MYBL2: variants seen among roughly 807,000 people sequenced by gnomAD.
The protein encoded by MYBL2 is myb-related protein B.
In MYBL2, 28 loss-of-function variants were observed where a neutral mutation model predicts 79.9. The observed-to-expected ratio is 0.35, with a 90% CI of 0.26 to 0.48. The LOEUF (loss-of-function observed/expected upper bound fraction) is 0.48, where lower values mean the gene tolerates loss of function less well. MYBL2 is among the 20% of genes least tolerant of loss of function. MYBL2 has a pLI of 0.99. For synonymous variants in MYBL2, 378 were observed against 361.2 expected (o/e 1.05, Z -0.53); for missense variants, 735 against 893.9 (o/e 0.82, Z 2.27).
chr20:43,678,331 G>GAA (rs11470203), intron 2 of MYBL2, among the ~76,000 whole-genome samples: 1 of 142,902 alleles, frequency 7.0e-6, no homozygotes, highest in Admixed American at 6.9e-5. Context: ...AAGAAAGAAA[G>GAA]AAAAAAAAAA....
intron 9 of MYBL2, among the ~76,000 whole-genome samples, chr20:43,709,462 T>A (rs78868078): frequency 6.0e-4 from 91 of 152,240 alleles, no homozygotes; most frequent in African/African-American, 2.2e-3. Flanking sequence ...CCTGGGTTTT[T>A]CTCTGTTCTG....
intron 3 of MYBL2, 42 bp from the exon 4 acceptor site, chr20:43,682,752 G>A (rs1987174487): frequency 1.2e-6 from 2 of 1,601,456 alleles, no homozygotes; most frequent in South Asian, 2.2e-5. Flanking sequence ...CGAGGTCCCA[G>A]AAGTTCTCAC....
intron 10 of MYBL2, 71 bp from the exon 11 acceptor site, chr20:43,711,417 G>C: frequency 4.1e-6 from 5 of 1,211,566 alleles, no homozygotes; most frequent in Non-Finnish European, 5.9e-6. Context: ...CAGCTGGGTT[G>C]GTCCCACAGT....
chr20:43,684,375 T>C (rs1229336383), intron 4 of MYBL2, among the ~76,000 whole-genome samples: 1 of 151,994 alleles, frequency 6.6e-6, no homozygotes. Context: ...GAGCTGGGAT[T>C]ACAGGCGCCT....
intron 1 of MYBL2, among the ~76,000 whole-genome samples, chr20:43,668,376 A>G (rs1280914639): frequency 1.3e-5 from 2 of 151,330 alleles, no homozygotes; most frequent in East Asian, 2.0e-4. Flanking sequence ...AATTTTTTGT[A>G]TGTTTAGTAG....
At chr20:43,712,178 A>G (rs766613857) in intron 11 of MYBL2, among the ~76,000 whole-genome samples, 6 of 152,106 alleles carry the variant, frequency 3.9e-5, no homozygotes, top group Admixed American at 2.0e-4. Flanking sequence ...CCTCCGTTCT[A>G]TGCCAGCCTC....
At chr20:43,714,735 A>G (rs1987988820) in intron 12 of MYBL2, among the ~76,000 whole-genome samples, 1 of 151,994 alleles carries the variant, frequency 6.6e-6, no homozygotes, top group Non-Finnish European at 1.5e-5. Context: ...GGTTCGCACC[A>G]TTCTTCTGCC....
intron 8 of MYBL2, among the ~76,000 whole-genome samples, chr20:43,704,673 A>G (rs1429448020): frequency 2.0e-5 from 3 of 152,228 alleles, no homozygotes; most frequent in Non-Finnish European, 2.9e-5. Flanking sequence ...TCTAGCACTC[A>G]GTGCAAGACT....
At chr20:43,713,227 G>A (rs1987952116) in intron 12 of MYBL2, 121 bp downstream of exon 12, 2 of 474,936 alleles carry the variant, frequency 4.2e-6, no homozygotes, top group South Asian at 3.6e-5. Context: ...GGCTATCAGG[G>A]AGGGTGGGTC....
In MYBL2 at chr20:43,674,370, G is replaced by A. The variant is rs147170593; in HGVS notation, c.114+471G>A. On this transcript the variant is annotated intron_variant, in intron 2 of 13. Coordinates refer to ENST00000217026, the MANE Select transcript of MYBL2 (RefSeq NM_002466.4). ...TCCTGCCTCAGGTGCGATTACAGGC[G>A]TGAGCCACCACATCCAGCTAATTTT... Among the ~76,000 whole-genome samples, 434 of 146,660 alleles carry A rather than the reference G, an allele frequency of 3.0e-3. 3 individuals are homozygous for A. Among genetic ancestry groups the A allele is most frequent in the African/African-American group, 9.9e-3 (395 of 39,732 alleles).
chr20:43,712,097 G>T (rs1318054635), intron 11 of MYBL2, among the ~76,000 whole-genome samples: 1 of 151,878 alleles, frequency 6.6e-6, no homozygotes, highest in Non-Finnish European at 1.5e-5. Flanking sequence ...TGGGGGTGGG[G>T]GAGTGGGTTC....
In MYBL2 at chr20:43,686,975, A is replaced by G; in HGVS notation, c.403A>G (p.Lys135Glu). 1 of 1,614,134 alleles carries G rather than the reference A, an allele frequency of 6.2e-7. No individual in the cohort carries two copies. Among genetic ancestry groups the G allele is most frequent in the Non-Finnish European group, 8.5e-7 (1 of 1,180,034 alleles). ...WHNHLNPEVK[K>E]SCWTEEEDRI... ...CAACCACCTCAACCCTGAGGTGAAG[A>G]AGTCTTGCTGGACCGAGGAGGAGGA... The change falls in exon 5 of 14, where the codon AAG becomes GAG. Residue 135 changes from lysine (K) to glutamate (E), a missense_variant. Lys to Glu is a moderately conservative substitution (Grantham distance 56, BLOSUM62 1). Transcript: ENST00000217026.
At chr20:43,683,551 AT>A (rs1181872489) in intron 4 of MYBL2, among the ~76,000 whole-genome samples, 2,297 of 137,736 alleles carry the variant, frequency 0.017, 45 homozygotes, top group African/African-American at 0.049. Flanking sequence ...GGAACTAGGC[AT>A]TTTTTTTTTT....
intron 8 of MYBL2, among the ~76,000 whole-genome samples, chr20:43,704,275 C>G (rs1464414826): frequency 6.6e-6 from 1 of 152,182 alleles, no homozygotes; most frequent in African/African-American, 2.4e-5. Context: ...CTCGGCCTCC[C>G]AAAGTGCTGG....
At chr20:43,703,254 A>G (rs76840419) in intron 8 of MYBL2, among the ~76,000 whole-genome samples, 3,955 of 152,244 alleles carry the variant, frequency 0.026, 163 homozygotes, top group African/African-American at 0.09. Flanking sequence ...GGGAGCAAAG[A>G]TGAAGATGAT....
Position 43,687,135 on chromosome 20 carries a change from AG to A in MYBL2, c.500+65del. The A allele has an allele frequency of 1.9e-6, 3 of 1,539,968 alleles. No individual in the cohort carries two copies. The South Asian group carries it at 3.5e-5, about 18-fold the overall frequency. On this transcript the variant is annotated intron_variant, in intron 5 of 13. Coordinates refer to ENST00000217026, the MANE Select transcript of MYBL2 (RefSeq NM_002466.4). ...GAGGCCAGGCCCGTGTTTCTGATGG[AG>A]GAGGGTTCCTGGGTGGGTATTGTGG... is the stretch of plus-strand genomic sequence containing the variant.
At chr20:43,714,508 C>G (rs1332801708) in intron 12 of MYBL2, among the ~76,000 whole-genome samples, 1 of 152,170 alleles carries the variant, frequency 6.6e-6, no homozygotes. Flanking sequence ...CCCCCACGTA[C>G]TTGACTGTGC....
intron 1 of MYBL2, among the ~76,000 whole-genome samples, chr20:43,667,922 G>T (rs983178748): frequency 6.6e-6 from 1 of 152,168 alleles, no homozygotes; most frequent in African/African-American, 2.4e-5. Flanking sequence ...GTTCCCACGA[G>T]GAGTTTTGGG....
At position 43,667,197 on chromosome 20, in the gene MYBL2, G is replaced by C; in HGVS notation, c.-87G>C. 1.0e-6 allele frequency: 1 copy of C among 993,220 alleles called. No homozygotes were observed. Among genetic ancestry groups the C allele is most frequent in the Non-Finnish European group, 1.3e-6 (1 of 790,748 alleles). 61.5% of individuals were successfully genotyped at this position (993,220 alleles called of 1,614,324 possible). A position where few individuals can be genotyped will look rare whatever the true frequency, so the allele number is the denominator to read the frequency against. On this transcript the variant is annotated 5_prime_UTR_variant, in exon 1 of 14. Transcript: ENST00000217026. ...CGCGGCCCGGGGCCCGGAGCGGCCGGAGCAGCCCGGGTCCTGACCCCGGCC... is the reference window on the plus strand; with the variant it reads ...CGCGGCCCGGGGCCCGGAGCGGCCGCAGCAGCCCGGGTCCTGACCCCGGCC...
Sources: gnomAD v4.1 joint callset for allele counts (sites outside exome capture counted in the v4.1 genomes callset) on GRCh38, gnomAD v4.1.1 for gene constraint, MANE v1.5 for transcripts, NCBI Gene and HGNC (gene_info 2026-07-23, HGNC 2026-07-21) for gene names.